The following SERPINI1 variants were observed in gnomAD, a reference collection of about 807,000 sequenced individuals.
The protein encoded by SERPINI1 is serpin family I member 1.
A neutral mutation model predicts 41.1 loss-of-function variants in SERPINI1; 19 were observed. The observed-to-expected ratio is 0.46, with a 90% CI of 0.32 to 0.68. SERPINI1 has a LOEUF of 0.68. Among genes scored for constraint, SERPINI1 ranks in the 30% least tolerant of loss-of-function variants. The pLI, the probability that SERPINI1 is intolerant of heterozygous loss-of-function variation, is 0.03. For synonymous variants in SERPINI1, 138 were observed against 156.6 expected, an observed-to-expected ratio of 0.88 and a Z score of 0.89; for missense variants, 460 against 479.2, an observed-to-expected ratio of 0.96 and a Z score of 0.37.
At chr3:167,753,729 A>G (rs558045830) in intron 1 of SERPINI1, among the ~76,000 whole-genome samples, 3 of 152,348 alleles carry the variant, frequency 2.0e-5, no homozygotes, top group African/African-American at 7.2e-5. Flanking sequence ...ATTAAGGAAA[A>G]TATGTCTAAA....
At chr3:167,763,074 A>T (rs116187156) in intron 1 of SERPINI1, among the ~76,000 whole-genome samples, 1,551 of 152,210 alleles carry the variant, frequency 0.01, 24 homozygotes, top group African/African-American at 0.036. Context: ...AAGTAGGGAA[A>T]ATATACCTAA....
intron 3 of SERPINI1, among the ~76,000 whole-genome samples, chr3:167,792,232 C>T (rs945993116): frequency 1.3e-5 from 2 of 152,062 alleles, no homozygotes; most frequent in Non-Finnish European, 2.9e-5. Flanking sequence ...GTGATTAAGT[C>T]TAAGCTTATA....
At chr3:167,806,316 C>T (rs1711636211) in intron 5 of SERPINI1, among the ~76,000 whole-genome samples, 1 of 151,632 alleles carries the variant, frequency 6.6e-6, no homozygotes, top group South Asian at 2.1e-4. Context: ...ACACTGGGTC[C>T]TGTCTGAGGG....
chr3:167,820,109 T>C (rs1211157453), intron 6 of SERPINI1, among the ~76,000 whole-genome samples: 1 of 152,202 alleles, frequency 6.6e-6, no homozygotes, highest in African/African-American at 2.4e-5. Context: ...GAAATAAAAG[T>C]GTCAGCAAGT....
At chr3:167,772,498 T>C (rs980405846) in intron 1 of SERPINI1, among the ~76,000 whole-genome samples, 6 of 152,106 alleles carry the variant, frequency 3.9e-5, no homozygotes, top group Non-Finnish European at 7.4e-5. Context: ...AAATTGTATA[T>C]TCAAATATAG....
At chr3:167,798,776 G>A (rs1727797587) in intron 5 of SERPINI1, among the ~76,000 whole-genome samples, 1 of 152,004 alleles carries the variant, frequency 6.6e-6, no homozygotes, top group African/African-American at 2.4e-5. Context: ...TTATAAGTGG[G>A]AGCTAAATTT....
In SERPINI1 at chr3:167,792,731, A is replaced by T. The variant is rs142316110; in HGVS notation, c.623A>T (p.Asp208Val). The change falls in exon 4 of 9, where the codon GAT becomes GTT. Residue 208 changes from aspartate to valine, a missense_variant. Asp to Val is a radical substitution (Grantham distance 152, BLOSUM62 -3). Transcript: ENST00000446050. Reference protein sequence around the residue: ...NTRTFSFTKDDESEVQIPMMY... With the variant: ...NTRTFSFTKDVESEVQIPMMY... ...AGAACCTTTTCTTTCACTAAAGATG[A>T]TGAAAGTGAAGTCCAAATTCCAATG... 2 of 1,613,754 alleles carry T rather than the reference A, an allele frequency of 1.2e-6. No homozygotes were observed. Among genetic ancestry groups the T allele is most frequent in the African/African-American group, 2.7e-5 (2 of 74,916 alleles).
rs967831146 is a variant in SERPINI1 at position 167,743,050 on chromosome 3, C to G, written c.-19+7227C>G. 4.6e-5 allele frequency among the ~76,000 whole-genome samples: 7 copies of G among 152,010 alleles called. 1 individual carries two copies. Among genetic ancestry groups the G allele is most frequent in the Admixed American group, 1.3e-4 (2 of 15,266 alleles). ...ACACTTTTCGTAAAACTTGATGGTT[C>G]TATAATAAATCTGCTTTAAATCTAA... On this transcript the variant is annotated intron_variant, in intron 1 of 8. Transcript: ENST00000446050.
chr3:167,807,480 A>G lies in SERPINI1; in HGVS notation c.979+139A>G, dbSNP rs115114370. ...GCCAAATAAATCTAGCATGAAATACATTTAACCTCTACAAGCAAAACTATA... is the reference window on the plus strand; with the variant it reads ...GCCAAATAAATCTAGCATGAAATACGTTTAACCTCTACAAGCAAAACTATA... On this transcript the variant is annotated intron_variant, in intron 6 of 8. Transcript: ENST00000446050. 1.5e-3 allele frequency: 939 copies of G among 631,554 alleles called. 8 individuals are homozygous for G. In the African/African-American group the frequency reaches 0.015, roughly 10 times the overall value. The allele number at this position is 631,554 out of a possible 1,614,324, so 39.1% of individuals were successfully genotyped here. A position where few individuals can be genotyped will look rare whatever the true frequency, so the allele number is the denominator to read the frequency against.
At chr3:167,821,325 C>G (rs1485339936) in intron 6 of SERPINI1, among the ~76,000 whole-genome samples, 2 of 152,192 alleles carry the variant, frequency 1.3e-5, no homozygotes, top group Non-Finnish European at 2.9e-5. Flanking sequence ...CCTAGTAGCT[C>G]CCGAGCCAGG....
At chr3:167,744,868 A>AAAT (rs1559993102) in intron 1 of SERPINI1, among the ~76,000 whole-genome samples, 1 of 132,584 alleles carries the variant, frequency 7.5e-6, no homozygotes, top group East Asian at 2.2e-4. Context: ...TATATATATA[A>AAAT]ATATATATAT....
chr3:167,742,504 CAT>C (rs1725711684), intron 1 of SERPINI1, among the ~76,000 whole-genome samples: 1 of 152,152 alleles, frequency 6.6e-6, no homozygotes, highest in Non-Finnish European at 1.5e-5. Flanking sequence ...ATCACACTGT[CAT>C]TCAAAGAAGG....
At chr3:167,788,286 G>A (rs1329622086) in intron 1 of SERPINI1, among the ~76,000 whole-genome samples, 1 of 152,138 alleles carries the variant, frequency 6.6e-6, no homozygotes, top group African/African-American at 2.4e-5. Flanking sequence ...TTTTCTCCAA[G>A]AGAAAATGTG....
At chr3:167,807,945 C>T (rs913530208) in intron 6 of SERPINI1, among the ~76,000 whole-genome samples, 1 of 151,684 alleles carries the variant, frequency 6.6e-6, no homozygotes, top group African/African-American at 2.4e-5. Context: ...AGTGAAACCC[C>T]ATCTCTACTA....
intron 4 of SERPINI1, among the ~76,000 whole-genome samples, chr3:167,793,111 C>T (rs753653670): frequency 6.6e-6 from 1 of 152,032 alleles, no homozygotes; most frequent in Non-Finnish European, 1.5e-5. Context: ...ACCATATGTT[C>T]CACGAAGCAC....
At chr3:167,814,962 G>T (rs1418280162) in intron 6 of SERPINI1, among the ~76,000 whole-genome samples, 3 of 152,164 alleles carry the variant, frequency 2.0e-5, no homozygotes, top group African/African-American at 7.2e-5. Context: ...ATTTGCCTTT[G>T]CTTGATTGTT....
intron 1 of SERPINI1, among the ~76,000 whole-genome samples, chr3:167,749,245 T>A (rs528187840): frequency 6.6e-6 from 1 of 152,342 alleles, no homozygotes; most frequent in African/African-American, 2.4e-5. Flanking sequence ...TCTAGTTTAC[T>A]CTCATACAAT....
chr3:167,745,364 T>C (rs1380903080), intron 1 of SERPINI1, among the ~76,000 whole-genome samples: 1 of 152,022 alleles, frequency 6.6e-6, no homozygotes, highest in African/African-American at 2.4e-5. Flanking sequence ...CACACTTTCA[T>C]GATAAAAACA....
chr3:167,824,439 A>G (rs780041322), intron 7 of SERPINI1, 34 bp from the exon 8 acceptor site: 1 of 1,520,652 alleles, frequency 6.6e-7, no homozygotes, highest in East Asian at 2.3e-5. Context: ...CTGCACATCC[A>G]CAGACATATA....
Sources: gnomAD v4.1 joint callset for allele counts (sites outside exome capture counted in the v4.1 genomes callset) on GRCh38, gnomAD v4.1.1 for gene constraint, MANE v1.5 for transcripts, NCBI Gene and HGNC (gene_info 2026-07-23, HGNC 2026-07-21) for gene names.